Variants in NCOR2 observed in about 807,000 individuals in gnomAD.
NCOR2 encodes nuclear receptor corepressor 2, also known as CTG repeat protein 26.
Under a neutral mutation model 262.9 loss-of-function variants are expected in NCOR2, and 81 were observed. The observed-to-expected ratio is 0.31, with a 90% CI of 0.26 to 0.37. The LOEUF (loss-of-function observed/expected upper bound fraction) is 0.37. NCOR2 is among the 10% of genes least tolerant of loss of function. The pLI is 1.00. For synonymous variants in NCOR2, 1,659 were observed against 1,559.3 expected (o/e 1.06, Z -1.51); for missense variants, 3,385 against 3,621.4 (o/e 0.93, Z 1.68).
intron 1 of NCOR2, among the ~76,000 whole-genome samples, chr12:124,510,778 G>A (rs1184478027): frequency 6.6e-6 from 1 of 151,928 alleles, no homozygotes; most frequent in African/African-American, 2.4e-5. Flanking sequence ...CCCATGGGCC[G>A]CCGCGGACAG....
chr12:124,447,686 TTTTC>T (rs943830098), intron 7 of NCOR2, among the ~76,000 whole-genome samples: 8 of 150,972 alleles, frequency 5.3e-5, no homozygotes, highest in East Asian at 1.9e-4. Flanking sequence ...TTTCTTTCTT[TTTTC>T]TTTCTTTCTT....
Position 124,495,239 on chromosome 12 carries a change from TG to T in NCOR2, c.12del (p.Thr5HisfsTer106). On this transcript the variant is annotated frameshift_variant, in exon 1 of 47. Transcript: ENST00000405201. LOFTEE classifies it high-confidence loss of function. This position sits in a 1 kb window ranked among gnomAD's most constrained non-coding sequence, Gnocchi z 4.4. ...CTCCACGTCTGTGCCACAGGCTGTG[TG>T]GATCCCGACATGGTGGTGGGGGTCG... The T allele has an allele frequency of 6.2e-7, 1 of 1,613,210 alleles. No individual in the cohort carries two copies. Among genetic ancestry groups the T allele is most frequent in the Non-Finnish European group, 8.5e-7 (1 of 1,179,674 alleles).
intron 44 of NCOR2, chr12:124,328,807 T>C (rs957772928): frequency 4.1e-6 from 1 of 243,078 alleles, no homozygotes; most frequent in Admixed American, 5.3e-5. Context: ...GTGATGCAGA[T>C]GCTTTGAAAA....
intron 6 of NCOR2, among the ~76,000 whole-genome samples, chr12:124,455,286 A>T (rs530952871): frequency 6.6e-6 from 1 of 152,344 alleles, no homozygotes; most frequent in African/African-American, 2.4e-5. Context: ...AGCAAGCAGC[A>T]GCTGCTGCTG....
At chr12:124,335,979 T>G in intron 38 of NCOR2, 2 of 264,024 alleles carry the variant, frequency 7.6e-6, no homozygotes, top group Non-Finnish European at 1.4e-5. Context: ...AAGGAGTGTG[T>G]GGGGCGGAGT....
chr12:124,372,390 T>A (rs368675979), exon 20 of NCOR2: 20 of 1,231,126 alleles, frequency 1.6e-5, no homozygotes, highest in Non-Finnish European at 2.1e-5. Context: ...CAGAGGGCGA[T>A]GGGGGTGCTG....
At chr12:124,478,272 A>G (rs558905616) in intron 3 of NCOR2, among the ~76,000 whole-genome samples, 1 of 152,306 alleles carries the variant, frequency 6.6e-6, no homozygotes, top group African/African-American at 2.4e-5. Context: ...AAGCTAACCA[A>G]TGCTGGACTT....
intron 37 of NCOR2, among the ~76,000 whole-genome samples, chr12:124,339,216 ACC>A (rs2036180563): frequency 1.3e-5 from 1 of 74,614 alleles, no homozygotes; most frequent in East Asian, 4.1e-4. Context: ...CGATCTACCT[ACC>A]ACCCACCCAC....
chr12:124,371,462 T>C (rs932699864), intron 20 of NCOR2, among the ~76,000 whole-genome samples: 1 of 152,126 alleles, frequency 6.6e-6, no homozygotes, highest in Non-Finnish European at 1.5e-5. Flanking sequence ...CAGCTGCCCA[T>C]CCAATGCCTG....
At chr12:124,496,363 G>A (rs538364671), upstream of NCOR2, among the ~76,000 whole-genome samples, 100 of 152,044 alleles carry the variant, frequency 6.6e-4, 1 homozygote, top group African/African-American at 2.2e-3. This position sits in a 1 kb window ranked among gnomAD's most constrained non-coding sequence, Gnocchi z 4.4. Context: ...CTCAGAAAAG[G>A]TGTGTCCATC....
At chr12:124,479,934 G>A (rs2047353547) in intron 3 of NCOR2, among the ~76,000 whole-genome samples, 1 of 152,252 alleles carries the variant, frequency 6.6e-6, no homozygotes, top group Admixed American at 6.5e-5. Context: ...GCCTCCTTGG[G>A]CTGGGAAGAG....
rs2052229261 is a variant in NCOR2, at chr12:124,566,122, CTCCCCTCT to C, written c.-165+1178_-165+1185del. ...CACAGGGTCCTCCCCTTATCCCCTCCTCCCCTCTTCCCTCCCTCACACATCCTTCCTCC... is the reference window on the plus strand; with the variant it reads ...CACAGGGTCCTCCCCTTATCCCCTCCTCCCTCCCTCACACATCCTTCCTCC... On this transcript the variant is annotated intron_variant, in intron 1 of 32. Transcript: ENST00000458234. This position sits in a 1 kb window ranked among gnomAD's most constrained non-coding sequence, Gnocchi z 4.3. 6.6e-6 allele frequency among the ~76,000 whole-genome samples: 1 copy of C among 152,154 alleles called. No individual in the cohort carries two copies. Among genetic ancestry groups the C allele is most frequent in the East Asian group, 1.9e-4 (1 of 5,186 alleles).
chr12:124,469,810 G>A (rs77565139), intron 4 of NCOR2, among the ~76,000 whole-genome samples: 1 of 152,182 alleles, frequency 6.6e-6, no homozygotes, highest in Non-Finnish European at 1.5e-5. Context: ...ACCACAATGA[G>A]ATACCGCTGT....
At chr12:124,376,975 C>T (rs79807123) in intron 18 of NCOR2, among the ~76,000 whole-genome samples, 3,083 of 152,260 alleles carry the variant, frequency 0.02, 115 homozygotes, top group African/African-American at 0.07. Flanking sequence ...CCTTCGGTCA[C>T]GCCACAGGGG....
intron 1 of NCOR2, among the ~76,000 whole-genome samples, chr12:124,532,034 TCTG>T (rs1362069012): frequency 6.6e-6 from 1 of 152,142 alleles, no homozygotes; most frequent in Non-Finnish European, 1.5e-5. Flanking sequence ...AAGCCCTCCC[TCTG>T]CTGCTGCACC....
chr12:124,324,515 T>C (rs936298864), exon 47 of NCOR2: 1 of 152,316 alleles, frequency 6.6e-6, no homozygotes, highest in African/African-American at 2.4e-5. Context: ...GAATTCATTC[T>C]GCCCAAGGAA....
chr12:124,407,655 C>G (rs2042347809), intron 13 of NCOR2, among the ~76,000 whole-genome samples: 1 of 152,220 alleles, frequency 6.6e-6, no homozygotes, highest in African/African-American at 2.4e-5. Context: ...GCTGCGACCA[C>G]CCACGTAGGG....
At chr12:124,337,675 C>T (rs1593110686) in intron 37 of NCOR2, among the ~76,000 whole-genome samples, 2 of 152,200 alleles carry the variant, frequency 1.3e-5, no homozygotes, top group Non-Finnish European at 2.9e-5. Context: ...AAAAAAGCCA[C>T]GTGAGGAGTG....
intron 11 of NCOR2, among the ~76,000 whole-genome samples, chr12:124,423,228 G>A (rs548312767): frequency 4.6e-5 from 7 of 152,326 alleles, no homozygotes; most frequent in African/African-American, 1.7e-4. Context: ...TGGTGGGGGC[G>A]GGGATGTGGG....
Sources: allele counts gnomAD v4.1 joint callset (sites outside exome capture counted in the v4.1 genomes callset), GRCh38; gene constraint gnomAD v4.1.1; non-coding constraint Gnocchi (gnomAD v3.1); transcripts MANE v1.5; gene names NCBI Gene and HGNC (gene_info 2026-07-23, HGNC 2026-07-21).